The following BTBD8 variants were observed in gnomAD, a reference collection of about 807,000 sequenced individuals.
The protein encoded by BTBD8 is BTB/POZ domain-containing protein 8.
A neutral mutation model predicts 162.9 loss-of-function variants in BTBD8; 110 were observed. The ratio of observed to expected loss-of-function variants is 0.68; its 90% CI spans 0.58 to 0.79. The LOEUF (loss-of-function observed/expected upper bound fraction) is 0.79. Among genes scored for constraint, BTBD8 ranks in the 30% least tolerant of loss-of-function variants. The probability of loss-of-function intolerance (pLI) is 0.00; values close to 1 mark genes in which losing one functional copy is unlikely to be tolerated. For synonymous variants in BTBD8, 667 were observed against 716.1 expected, an observed-to-expected ratio of 0.93 and a Z score of 1.10; for missense variants, 1,905 against 2,085.4, an observed-to-expected ratio of 0.91 and a Z score of 1.68.
chr1:92,103,076 T>C (rs1336043298), intron 3 of BTBD8, among the ~76,000 whole-genome samples: 4 of 152,354 alleles, frequency 2.6e-5, no homozygotes, highest in African/African-American at 9.6e-5. Context: ...TGAAGTTTGC[T>C]TGTGAAAGTA....
chr1:92,100,845 G>A lies in BTBD8; in HGVS notation c.348-1628G>A, dbSNP rs552473650. 1.8e-4 allele frequency among the ~76,000 whole-genome samples: 27 copies of A among 152,242 alleles called. No homozygotes were observed. The South Asian group carries it at 4.6e-3, about 26-fold the overall frequency. On this transcript the variant is annotated intron_variant, in intron 2 of 17. Transcript: ENST00000636805. ...AGGCTGGTCTCGAACTCCTGACCTC[G>A]TGATTCGTTTGCCTCGGCCTCCCAA... is the stretch of plus-strand genomic sequence containing the variant.
chr1:92,164,973 T>G (rs1331523176), intron 9 of BTBD8, among the ~76,000 whole-genome samples: 1 of 151,790 alleles, frequency 6.6e-6, no homozygotes, highest in Non-Finnish European at 1.5e-5. Context: ...TAAAAAAAAT[T>G]AGCTGGGTGT....
At chr1:92,085,688 C>T (rs1648140341) in intron 1 of BTBD8, among the ~76,000 whole-genome samples, 1 of 152,130 alleles carries the variant, frequency 6.6e-6, no homozygotes, top group African/African-American at 2.4e-5. Flanking sequence ...CAAGATCACG[C>T]AACTGCACTC....
intron 4 of BTBD8, 89 bp from the exon 5 acceptor site, chr1:92,129,598 A>G: frequency 1.0e-6 from 1 of 975,306 alleles, no homozygotes; most frequent in Non-Finnish European, 1.6e-6. Flanking sequence ...ATTGTGTTTT[A>G]ATACATAAAG....
In BTBD8 at chr1:92,153,787, G is replaced by A. The variant is rs114103874; in HGVS notation, c.1122+6001G>A. On this transcript the variant is annotated intron_variant, in intron 9 of 17. Coordinates refer to ENST00000636805, the MANE Select transcript of BTBD8 (RefSeq NM_001376131.1). ...GACATTTAGGTTGCTTCCACATGTT[G>A]GCTATTGTAAATAGTGCTGCAGTGA... Among the ~76,000 whole-genome samples, 1,258 of 152,206 alleles carry A rather than the reference G, an allele frequency of 8.3e-3. 22 individuals are homozygous for A. Among genetic ancestry groups the A allele is most frequent in the African/African-American group, 0.028 (1,169 of 41,540 alleles).
intron 7 of BTBD8, among the ~76,000 whole-genome samples, chr1:92,146,719 T>G (rs1649932912): frequency 6.6e-6 from 1 of 152,224 alleles, no homozygotes; most frequent in Admixed American, 6.5e-5. Flanking sequence ...ATATAGCCTT[T>G]TCAGATTGGC....
intron 1 of BTBD8, among the ~76,000 whole-genome samples, chr1:92,087,816 T>C (rs1216457891): frequency 6.6e-6 from 1 of 152,212 alleles, no homozygotes; most frequent in African/African-American, 2.4e-5. Flanking sequence ...ACTGGTATTA[T>C]TGCCAGTTTT....
intron 1 of BTBD8, among the ~76,000 whole-genome samples, chr1:92,083,649 G>A (rs1048762943): frequency 3.3e-5 from 5 of 152,160 alleles, no homozygotes; most frequent in Non-Finnish European, 7.3e-5. Context: ...AAATGTTTGT[G>A]ATGTATCTAG....
chr1:92,113,785 G>A (rs565764434), intron 4 of BTBD8, among the ~76,000 whole-genome samples: 10 of 152,036 alleles, frequency 6.6e-5, no homozygotes, highest in Non-Finnish European at 1.3e-4. Flanking sequence ...GGCCGAGGCG[G>A]GCGGATCATG....
rs536890363 is a variant in BTBD8, at chr1:92,172,623, G to T, written c.1635+1163G>T. Reference sequence around the variant, plus strand: ...TATTCTAACCTCTGTGTGGTACAATGATAGACATACATTGAGAGTTCCAGT... The same window carrying T: ...TATTCTAACCTCTGTGTGGTACAATTATAGACATACATTGAGAGTTCCAGT... On this transcript the variant is annotated intron_variant, in intron 13 of 17. Coordinates refer to ENST00000636805, the MANE Select transcript of BTBD8 (RefSeq NM_001376131.1). 7.2e-5 allele frequency among the ~76,000 whole-genome samples: 11 copies of T among 152,348 alleles called. No individual in the cohort carries two copies. The South Asian group carries it at 2.3e-3, about 32-fold the overall frequency.
intron 5 of BTBD8, among the ~76,000 whole-genome samples, chr1:92,134,491 G>A (rs1418514442): frequency 6.6e-6 from 1 of 152,076 alleles, no homozygotes; most frequent in African/African-American, 2.4e-5. Flanking sequence ...CTGCCTAAGA[G>A]TTTTTCACCT....
chr1:92,183,769 T>TACC, intron 17 of BTBD8, 95 bp from the exon 18 acceptor site: 1 of 573,844 alleles, frequency 1.7e-6, no homozygotes, highest in Non-Finnish European at 2.7e-6. Flanking sequence ...TTTTTTTTTT[T>TACC]TGACTATCAC....
At chr1:92,096,567 T>A (rs963389351) in intron 2 of BTBD8, among the ~76,000 whole-genome samples, 7 of 151,352 alleles carry the variant, frequency 4.6e-5, no homozygotes, top group African/African-American at 1.5e-4. Context: ...TTTTTTTTTT[T>A]AGAGATGATA....
rs139610161 is a variant in BTBD8, at chr1:92,179,450, A to G, written c.2582-815A>G. 2.5e-3 allele frequency among the ~76,000 whole-genome samples: 381 copies of G among 152,352 alleles called. 1 individual carries two copies. The highest frequency in any genetic ancestry group is 4.0e-3 in the Non-Finnish European group (275 of 68,026). Reference sequence around the variant, plus strand: ...TTGCTTTTATGTATCAAGCATTAACATATGTAAAAGCAGTTCTTAAAATGC... The same window carrying G: ...TTGCTTTTATGTATCAAGCATTAACGTATGTAAAAGCAGTTCTTAAAATGC... On this transcript the variant is annotated intron_variant, in intron 16 of 17. Coordinates refer to ENST00000636805, the MANE Select transcript of BTBD8 (RefSeq NM_001376131.1).
intron 14 of BTBD8, 124 bp from the exon 15 acceptor site, chr1:92,177,687 A>G: frequency 4.9e-6 from 4 of 823,472 alleles, no homozygotes; most frequent in Non-Finnish European, 7.8e-6. Flanking sequence ...ATGCAAACAG[A>G]GAAAATGGTA....
intron 9 of BTBD8, among the ~76,000 whole-genome samples, chr1:92,152,526 A>G (rs1422205502): frequency 1.3e-5 from 2 of 152,192 alleles, no homozygotes; most frequent in Admixed American, 6.5e-5. Context: ...TGAAAGACTA[A>G]AAATGTAACC....
Position 92,184,262 on chromosome 1 carries a change from A to G in BTBD8, c.5311A>G (p.Ser1771Gly), listed in dbSNP as rs1651016466. 1.3e-6 allele frequency: 2 copies of G among 1,551,506 alleles called. No homozygotes were observed. Among genetic ancestry groups the G allele is most frequent in the East Asian group, 2.4e-5 (1 of 40,928 alleles). Residue 1771 changes from serine (S) to glycine (G), a missense_variant, in exon 18 of 18, where the codon AGT (serine) becomes GGT (glycine). By Grantham distance (56) the Ser-to-Gly change is moderately conservative. Around this residue, in one of 3 missense-constraint regions of BTBD8, gnomAD observed 517 missense variants for 606.6 expected, o/e 0.85. Transcript: ENST00000636805. Reference sequence around the variant, plus strand: ...TTCCTCAGCGAGCATCACCATGGCTAGTTTTTCCTCTGAAGATTGTTCGCC... The same window carrying G: ...TTCCTCAGCGAGCATCACCATGGCTGGTTTTTCCTCTGAAGATTGTTCGCC... ...LDSSASITMA[S>G]FSSEDCSPQG...
chr1:92,116,380 C>T (rs1358035423), intron 4 of BTBD8, among the ~76,000 whole-genome samples: 1 of 151,940 alleles, frequency 6.6e-6, no homozygotes, highest in Admixed American at 6.6e-5. Context: ...TTTTATGTAT[C>T]CTTAGCTGAA....
rs138132686 is a variant in BTBD8, at chr1:92,157,831, G to A, written c.1123-9127G>A. Among the ~76,000 whole-genome samples, 20 of 152,272 alleles carry A rather than the reference G, an allele frequency of 1.3e-4. 1 individual carries two copies. In the East Asian group the frequency reaches 3.9e-3, roughly 29 times the overall value. Reference sequence around the variant, plus strand: ...ATGTTGTATTCACTATTGAAAAGTTGTGTATTGAAAGTTCCTACTATCTTT... The same window carrying A: ...ATGTTGTATTCACTATTGAAAAGTTATGTATTGAAAGTTCCTACTATCTTT... On this transcript the variant is annotated intron_variant, in intron 9 of 17. Transcript: ENST00000636805.
Sources: allele counts gnomAD v4.1 joint callset (sites outside exome capture counted in the v4.1 genomes callset), GRCh38; gene constraint gnomAD v4.1.1; regional missense constraint gnomAD v4.1.1; transcripts MANE v1.5; gene names NCBI Gene and HGNC (gene_info 2026-07-23, HGNC 2026-07-21).